Variants in PLB1 observed in about 807,000 individuals in gnomAD.
PLB1 encodes the protein phospholipase B1, membrane-associated.
A neutral mutation model predicts 227.4 loss-of-function variants in PLB1; 242 were observed. That is an observed-to-expected ratio of 1.06 (90% CI 0.96 to 1.18). The LOEUF (loss-of-function observed/expected upper bound fraction) is 1.18, where lower values mean the gene tolerates loss of function less well. PLB1 is among the 50% of genes most tolerant of loss of function. The pLI, the probability that PLB1 is intolerant of heterozygous loss-of-function variation, is 0.00. For synonymous variants in PLB1, 757 were observed against 682.2 expected (o/e 1.11, Z -1.71); for missense variants, 1,858 against 1,816.3 (o/e 1.02, Z -0.42).
chr2:28,637,947 A>C (rs1288219093), intron 56 of PLB1, among the ~76,000 whole-genome samples: 1 of 152,102 alleles, frequency 6.6e-6, no homozygotes, highest in Non-Finnish European at 1.5e-5. Context: ...TAGGAAAAAC[A>C]ATTTCATTCC....
intron 46 of PLB1, 52 bp from the exon 47 acceptor site, chr2:28,620,213 C>T: frequency 7.5e-7 from 1 of 1,331,560 alleles, no homozygotes; most frequent in Non-Finnish European, 1.0e-6. Flanking sequence ...GAGGCTCTTC[C>T]AGTGCCCTCA....
Position 28,592,691 on chromosome 2 carries a change from T to C in PLB1, c.2219T>C (p.Val740Ala), listed in dbSNP as rs1158246279. 1.2e-6 allele frequency: 2 copies of C among 1,614,152 alleles called. No homozygotes were observed. Among genetic ancestry groups the C allele is most frequent in the South Asian group, 1.1e-5 (1 of 91,076 alleles). Residue 740 changes from valine (V) to alanine (A), a missense_variant, in exon 32 of 58, where the codon GTT becomes GCT. Coordinates refer to ENST00000327757, the MANE Select transcript of PLB1 (RefSeq NM_153021.5). ...GCCCTGAGACCTGCAGACATCCAAG[T>C]TGTGGCTGCTCTGGGGGATTCTCTG... ...VHALRPADIQ[V>A]VAALGDSLTA...
intron 21 of PLB1, among the ~76,000 whole-genome samples, chr2:28,574,987 G>C (rs1558801923): frequency 6.6e-6 from 1 of 152,224 alleles, no homozygotes. Flanking sequence ...GCATGTGCAT[G>C]TGTCTTTTTC....
Position 28,550,070 on chromosome 2 carries a change from C to T in PLB1, c.1069C>T (p.Gln357Ter), listed in dbSNP as rs1377075539. Residue 357 changes from glutamine to a stop codon, truncating the protein, a stop_gained, in exon 16 of 58, where the codon CAA becomes TAA. Coordinates refer to ENST00000327757, the MANE Select transcript of PLB1 (RefSeq NM_153021.5). LOFTEE classifies it high-confidence loss of function. ...CTACCTGACCAGACTGCAGAAACCCCAAGACAAGCTTGAGGTAAGGAAAGG... is the reference window on the plus strand; with the variant it reads ...CTACCTGACCAGACTGCAGAAACCCTAAGACAAGCTTGAGGTAAGGAAAGG... Reference protein sequence around the residue: ...SNYLTRLQKPQDKLEVREGAE... With the variant: ...SNYLTRLQKP 2.5e-6 allele frequency: 4 copies of T among 1,612,476 alleles called. No individual in the cohort carries two copies. Among genetic ancestry groups the T allele is most frequent in the East Asian group, 2.2e-5 (1 of 44,852 alleles).
In PLB1 at chr2:28,529,315, A is replaced by T; in HGVS notation, c.326-2A>T. 2 of 1,602,604 alleles carry T rather than the reference A, an allele frequency of 1.2e-6. No homozygotes were observed. The highest frequency in any genetic ancestry group is 1.7e-6 in the Non-Finnish European group (2 of 1,169,626). On this transcript the variant is annotated splice_acceptor_variant, in intron 6 of 57. Transcript: ENST00000327757. LOFTEE classifies it high-confidence loss of function. ...AGGGCCTCAAACCAGTTCTCTCTTT[A>T]GTCCTTTCAGACATCATCAGATATT...
intron 43 of PLB1, among the ~76,000 whole-genome samples, chr2:28,608,252 G>T (rs1684956526): frequency 6.6e-6 from 1 of 152,202 alleles, no homozygotes; most frequent in African/African-American, 2.4e-5. Flanking sequence ...ACTTCACTGT[G>T]TTCTGAGCAT....
intron 55 of PLB1, 128 bp from the exon 56 acceptor site, chr2:28,632,816 T>C: frequency 1.5e-6 from 1 of 686,070 alleles, no homozygotes; most frequent in South Asian, 1.7e-5. Flanking sequence ...CATCAGTATC[T>C]GAGCAAGTTG....
chr2:28,538,203 A>G, intron 9 of PLB1, 116 bp from the exon 10 acceptor site: 3 of 1,202,842 alleles, frequency 2.5e-6, no homozygotes, highest in Non-Finnish European at 3.7e-6. Context: ...CCAGGTCTAG[A>G]TGGTGCCTTT....
chr2:28,617,917 C>G (rs542419771), intron 45 of PLB1, 130 bp downstream of exon 45: 3 of 900,702 alleles, frequency 3.3e-6, no homozygotes, highest in Admixed American at 3.9e-5. Context: ...AGACCTAGAT[C>G]CTGCGGCCTG....
At chr2:28,565,207 C>T (rs772354447) in intron 18 of PLB1, 73 bp from the exon 19 acceptor site, 2 of 1,355,632 alleles carry the variant, frequency 1.5e-6, no homozygotes, top group African/African-American at 2.9e-5. Context: ...AGAACATAGA[C>T]CTTTTGGCAG....
At chr2:28,591,037 C>G in intron 29 of PLB1, 96 bp from the exon 30 acceptor site, 1 of 1,492,282 alleles carries the variant, frequency 6.7e-7, no homozygotes, top group Non-Finnish European at 9.3e-7. Context: ...GCAGGCAGGC[C>G]GCAGCTGTTT....
chr2:28,549,752 A>AAT (rs1332880484), intron 15 of PLB1, among the ~76,000 whole-genome samples: 1 of 152,120 alleles, frequency 6.6e-6, no homozygotes, highest in Non-Finnish European at 1.5e-5. Flanking sequence ...TTCTCATCAA[A>AAT]ATATATATAC....
intron 44 of PLB1, 29 bp from the exon 45 acceptor site, chr2:28,617,698 G>T (rs1023658696): frequency 6.2e-7 from 1 of 1,609,042 alleles, no homozygotes; most frequent in Non-Finnish European, 8.5e-7. Context: ...TGAGTGTTGG[G>T]CACTGAATCT....
intron 44 of PLB1, among the ~76,000 whole-genome samples, chr2:28,614,687 G>A (rs1014262689): frequency 3.9e-5 from 6 of 152,204 alleles, no homozygotes; most frequent in Admixed American, 1.3e-4. Flanking sequence ...GGCCTGGTCC[G>A]GATCAGGTCT....
chr2:28,637,941 A>AAAAAC (rs1689558290), intron 56 of PLB1, among the ~76,000 whole-genome samples: 1 of 152,146 alleles, frequency 6.6e-6, no homozygotes, highest in African/African-American at 2.4e-5. Context: ...TGGTTCTAGG[A>AAAAAC]AAAACAATTT....
At chr2:28,513,487 G>C (rs758243233) in intron 1 of PLB1, among the ~76,000 whole-genome samples, 10 of 152,218 alleles carry the variant, frequency 6.6e-5, no homozygotes, top group Non-Finnish European at 8.8e-5. Flanking sequence ...CTGAAGCTCT[G>C]CTCAGTGTCT....
At chr2:28,549,264 A>G (rs1299914271) in intron 15 of PLB1, among the ~76,000 whole-genome samples, 2 of 152,172 alleles carry the variant, frequency 1.3e-5, no homozygotes, top group Non-Finnish European at 2.9e-5. Flanking sequence ...GTGGCAAAGA[A>G]GGGAGGGATG....
At chr2:28,518,646 TC>T in intron 3 of PLB1, 114 bp downstream of exon 3, 1 of 717,154 alleles carries the variant, frequency 1.4e-6, no homozygotes, top group Non-Finnish European at 2.4e-6. Context: ...GTCCTCCTCT[TC>T]CTTATCCTCA....
chr2:28,611,646 C>A (rs1685475245), intron 43 of PLB1, among the ~76,000 whole-genome samples: 2 of 152,334 alleles, frequency 1.3e-5, no homozygotes, highest in African/African-American at 4.8e-5. Flanking sequence ...TTGAGCTGCT[C>A]AACCAGCATG....
Sources: gnomAD v4.1 joint callset for allele counts (sites outside exome capture counted in the v4.1 genomes callset) on GRCh38, gnomAD v4.1.1 for gene constraint, MANE v1.5 for transcripts, NCBI Gene and HGNC (gene_info 2026-07-23, HGNC 2026-07-21) for gene names.